PDZRN3: variants seen among roughly 807,000 people sequenced by gnomAD.
The protein encoded by PDZRN3 is E3 ubiquitin-protein ligase PDZRN3.
A neutral mutation model predicts 85.7 loss-of-function variants in PDZRN3; 38 were observed. That is an observed-to-expected ratio of 0.44 (90% CI 0.34 to 0.58). PDZRN3 has a LOEUF of 0.58. Ranked by LOEUF, PDZRN3 falls within the 20% of genes least tolerant of loss-of-function variation. PDZRN3 has a pLI of 0.01. For missense variants in PDZRN3, 1,629 were observed against 1,506.4 expected, an observed-to-expected ratio of 1.08 and a Z score of -1.35; for synonymous variants, 759 against 638.0, an observed-to-expected ratio of 1.19 and a Z score of -2.86.
intron 3 of PDZRN3, among the ~76,000 whole-genome samples, chr3:73,443,540 C>G (rs1317914773): frequency 7.3e-6 from 1 of 136,254 alleles, no homozygotes; most frequent in African/African-American, 3.1e-5. Context: ...GGCTGGAGTT[C>G]AGTGGTACGA....
intron 3 of PDZRN3, among the ~76,000 whole-genome samples, chr3:73,477,496 T>C (rs1429911716): frequency 6.6e-6 from 1 of 152,186 alleles, no homozygotes; most frequent in Non-Finnish European, 1.5e-5. Context: ...ATTATTAAAA[T>C]TAAAGTCTGC....
At chr3:73,598,363 C>T (rs1012280056) in intron 3 of PDZRN3, among the ~76,000 whole-genome samples, 2 of 152,150 alleles carry the variant, frequency 1.3e-5, no homozygotes, top group East Asian at 3.8e-4. Flanking sequence ...ATATTAAAGA[C>T]ATCAGGGAGA....
At chr3:73,588,313 T>A (rs1702306792) in intron 3 of PDZRN3, among the ~76,000 whole-genome samples, 1 of 152,232 alleles carries the variant, frequency 6.6e-6, no homozygotes, top group Admixed American at 6.5e-5. Context: ...TGTACCACAT[T>A]TTCTTTGTCC....
chr3:73,386,238 T>TTTTTTTC (rs1701383625), intron 8 of PDZRN3, among the ~76,000 whole-genome samples: 1 of 141,244 alleles, frequency 7.1e-6, no homozygotes, highest in Admixed American at 7.1e-5. Context: ...TTTTTTTTTT[T>TTTTTTTC]TTTTTTTGAG....
At chr3:73,621,445 A>G (rs1702859256) in intron 1 of PDZRN3, among the ~76,000 whole-genome samples, 1 of 152,230 alleles carries the variant, frequency 6.6e-6, no homozygotes, top group Admixed American at 6.5e-5. Context: ...AGTTTCCAGG[A>G]CATATAAATC....
chr3:73,524,064 C>A (rs987730104), intron 3 of PDZRN3, among the ~76,000 whole-genome samples: 6 of 152,124 alleles, frequency 3.9e-5, no homozygotes, highest in Admixed American at 1.3e-4. Flanking sequence ...TACACTTCCC[C>A]GGGACCTCTC....
At chr3:73,547,065 G>A (rs745596655) in intron 3 of PDZRN3, among the ~76,000 whole-genome samples, 2 of 152,154 alleles carry the variant, frequency 1.3e-5, no homozygotes, top group Non-Finnish European at 2.9e-5. Context: ...GTGCAAAGAT[G>A]AGGGCAGAAT....
At chr3:73,623,095 A>G (rs143274012) in intron 1 of PDZRN3, among the ~76,000 whole-genome samples, 3 of 152,330 alleles carry the variant, frequency 2.0e-5, no homozygotes, top group Non-Finnish European at 4.4e-5. Flanking sequence ...CCCAGCCTGG[A>G]GCAAAGTAAA....
intron 1 of PDZRN3, among the ~76,000 whole-genome samples, chr3:73,611,460 C>T (rs1003386468): frequency 2.0e-5 from 3 of 152,170 alleles, no homozygotes; most frequent in Non-Finnish European, 4.4e-5. Context: ...AGATGCAATG[C>T]TGGGGAGAAA....
chr3:73,438,599 G>C (rs1559680011), intron 3 of PDZRN3, among the ~76,000 whole-genome samples: 2 of 152,180 alleles, frequency 1.3e-5, no homozygotes, highest in African/African-American at 4.8e-5. Context: ...GGCCAGTCAC[G>C]GGATAGATTC....
intron 3 of PDZRN3, among the ~76,000 whole-genome samples, chr3:73,512,927 T>A (rs1392004636): frequency 6.6e-6 from 1 of 152,244 alleles, no homozygotes; most frequent in Non-Finnish European, 1.5e-5. Context: ...TTTTCTACCA[T>A]ACACATGGAC....
chr3:73,483,914 G>A (rs1575683688), intron 3 of PDZRN3, among the ~76,000 whole-genome samples: 4 of 152,174 alleles, frequency 2.6e-5, no homozygotes, highest in Admixed American at 6.5e-5. Context: ...CTGGGAAGCC[G>A]TCAGAACTTT....
At chr3:73,556,699 C>A (rs1701702988) in intron 3 of PDZRN3, 1 of 152,208 alleles carries the variant, frequency 6.6e-6, no homozygotes, top group Non-Finnish European at 1.5e-5. Context: ...CAAAGGCAGA[C>A]CTGAAGAATG....
At chr3:73,560,554 A>T (rs1701794977) in intron 3 of PDZRN3, among the ~76,000 whole-genome samples, 2 of 152,214 alleles carry the variant, frequency 1.3e-5, no homozygotes, top group South Asian at 4.1e-4. Flanking sequence ...TGTCAGACAC[A>T]TTTTGCTCCA....
intron 2 of PDZRN3, among the ~76,000 whole-genome samples, chr3:73,606,101 T>G (rs2106901749): frequency 6.6e-6 from 1 of 152,352 alleles, no homozygotes; most frequent in African/African-American, 2.4e-5. Context: ...GGCCTCTCCA[T>G]TTTGAGCAAT....
At chr3:73,442,018 C>T (rs144469732) in intron 3 of PDZRN3, among the ~76,000 whole-genome samples, 28 of 152,228 alleles carry the variant, frequency 1.8e-4, no homozygotes, top group African/African-American at 6.7e-4. Flanking sequence ...ATCTCTTTGC[C>T]CATGTGAATG....
chr3:73,546,028 G>A (rs902398820), intron 3 of PDZRN3, among the ~76,000 whole-genome samples: 2 of 152,146 alleles, frequency 1.3e-5, no homozygotes, highest in East Asian at 1.9e-4. Context: ...CTGCCTGAGG[G>A]CAGGGGCCTC....
chr3:73,407,714 T>C lies in PDZRN3; in HGVS notation c.919-3319A>G, dbSNP rs754589. Among the ~76,000 whole-genome samples the C allele has an allele frequency of 1.3e-3, 197 of 152,306 alleles. 1 individual carries two copies. The highest frequency in any genetic ancestry group is 8.1e-3 in the East Asian group (42 of 5,176). On this transcript the variant is annotated intron_variant, in intron 3 of 9. Coordinates refer to ENST00000263666, the MANE Select transcript of PDZRN3 (RefSeq NM_015009.3). The stretch of plus-strand genomic sequence containing the variant: ...TTTTATAAACCAAATGCTAGTACCA[T>C]TGAGTGGATGTTTAAATGGTACCAA...
chr3:73,388,641 G>C (rs571116877), intron 7 of PDZRN3, among the ~76,000 whole-genome samples: 1 of 152,004 alleles, frequency 6.6e-6, no homozygotes, highest in Non-Finnish European at 1.5e-5. Context: ...GAGCCCTGCT[G>C]GTCTGGAGGT....
Sources: allele counts gnomAD v4.1 joint callset (sites outside exome capture counted in the v4.1 genomes callset), GRCh38; gene constraint gnomAD v4.1.1; transcripts MANE v1.5; gene names NCBI Gene and HGNC (gene_info 2026-07-23, HGNC 2026-07-21).